The following CCSER1 variants were observed in gnomAD, a reference collection of about 807,000 sequenced individuals.
The protein encoded by CCSER1 is coiled-coil serine rich protein 1, also known as serine-rich coiled-coil domain-containing protein 1.
Under a neutral mutation model 82.0 loss-of-function variants are expected in CCSER1, and 41 were observed. That is an observed-to-expected ratio of 0.50 (90% confidence interval 0.39 to 0.65). CCSER1 has a LOEUF of 0.65. CCSER1 is among the 30% of genes least tolerant of loss of function. CCSER1 has a pLI of 0.00. For synonymous variants in CCSER1, 414 were observed against 383.9 expected (o/e 1.08, Z -0.92); for missense variants, 1,119 against 1,064.2 (o/e 1.05, Z -0.72).
intron 8 of CCSER1, among the ~76,000 whole-genome samples, chr4:90,913,160 A>T (rs1726702295): frequency 6.6e-6 from 1 of 152,256 alleles, no homozygotes; most frequent in Middle Eastern, 3.4e-3. Flanking sequence ...ACTCCTCGAG[A>T]AGAGCTACTC....
intron 5 of CCSER1, among the ~76,000 whole-genome samples, chr4:90,579,841 A>G (rs1781233143): frequency 6.7e-6 from 1 of 148,854 alleles, no homozygotes; most frequent in Non-Finnish European, 1.5e-5. Flanking sequence ...GAGACTGGAG[A>G]GTAATTTCAT....
At chr4:90,690,749 T>A (rs1179897603) in intron 6 of CCSER1, among the ~76,000 whole-genome samples, 1 of 152,068 alleles carries the variant, frequency 6.6e-6, no homozygotes, top group African/African-American at 2.4e-5. Flanking sequence ...ATTTTTTTTA[T>A]GTCTCTCTTT....
At chr4:90,605,842 A>T (rs1296585026) in intron 5 of CCSER1, among the ~76,000 whole-genome samples, 1 of 152,152 alleles carries the variant, frequency 6.6e-6, no homozygotes, top group African/African-American at 2.4e-5. Context: ...TTAAGACAAT[A>T]AAAATATTTG....
chr4:90,976,360 A>G (rs1735615826), intron 9 of CCSER1, among the ~76,000 whole-genome samples: 5 of 151,356 alleles, frequency 3.3e-5, no homozygotes, highest in Admixed American at 3.3e-4. Context: ...AAATAAAATA[A>G]GATTTCTTTT....
At chr4:90,727,073 G>T in intron 7 of CCSER1, 1 of 345,266 alleles carries the variant, frequency 2.9e-6, no homozygotes, top group South Asian at 2.4e-5. Flanking sequence ...GAGTTTCTAG[G>T]ATGCTTGGTT....
At chr4:91,383,403 A>G (rs1751064360) in intron 10 of CCSER1, among the ~76,000 whole-genome samples, 1 of 152,090 alleles carries the variant, frequency 6.6e-6, no homozygotes, top group Non-Finnish European at 1.5e-5. Context: ...AATTAAAACA[A>G]TATGATAACA....
intron 5 of CCSER1, among the ~76,000 whole-genome samples, chr4:90,589,302 A>T (rs1782412085): frequency 6.6e-6 from 1 of 152,086 alleles, no homozygotes; most frequent in Non-Finnish European, 1.5e-5. Flanking sequence ...CATTGCTGTC[A>T]TCAGAAGGTG....
chr4:90,944,298 G>T (rs1158364463), intron 9 of CCSER1, among the ~76,000 whole-genome samples: 1 of 151,640 alleles, frequency 6.6e-6, no homozygotes, highest in African/African-American at 2.4e-5. Context: ...ATTTATTGTT[G>T]GTTATTAATG....
intron 7 of CCSER1, among the ~76,000 whole-genome samples, chr4:90,746,857 G>C (rs1241763434): frequency 2.0e-5 from 3 of 152,204 alleles, no homozygotes; most frequent in Non-Finnish European, 4.4e-5. Flanking sequence ...GCTTAGAATA[G>C]TTAAGTATCC....
intron 9 of CCSER1, among the ~76,000 whole-genome samples, chr4:90,954,539 A>G (rs1004858875): frequency 6.6e-6 from 1 of 152,122 alleles, no homozygotes; most frequent in African/African-American, 2.4e-5. Context: ...TAGCTGATAA[A>G]ATAGATGAAT....
chr4:91,329,659 T>C (rs1287183327), intron 10 of CCSER1, among the ~76,000 whole-genome samples: 1 of 152,206 alleles, frequency 6.6e-6, no homozygotes, highest in Non-Finnish European at 1.5e-5. Flanking sequence ...TGTCTTCACA[T>C]GGCAGTGTCT....
chr4:91,412,132 G>A (rs1753088760), intron 10 of CCSER1, among the ~76,000 whole-genome samples: 1 of 152,198 alleles, frequency 6.6e-6, no homozygotes, highest in Non-Finnish European at 1.5e-5. Context: ...ATTGTTTTGA[G>A]AGGGCAGACC....
intron 7 of CCSER1, chr4:90,781,062 A>T (rs532533855): frequency 5.7e-6 from 1 of 174,450 alleles, no homozygotes; most frequent in Admixed American, 6.5e-5. Flanking sequence ...GGGAGGCGCC[A>T]CATAATTTTA....
At chr4:90,142,203 C>G (rs1724920016) in intron 1 of CCSER1, among the ~76,000 whole-genome samples, 1 of 152,174 alleles carries the variant, frequency 6.6e-6, no homozygotes, top group Admixed American at 6.5e-5. Context: ...AGATCTTCTA[C>G]TTTGTTAAGG....
intron 10 of CCSER1, among the ~76,000 whole-genome samples, chr4:91,267,002 T>C (rs957946767): frequency 6.6e-6 from 1 of 152,218 alleles, no homozygotes; most frequent in African/African-American, 2.4e-5. Flanking sequence ...TCAAATATAG[T>C]TGAGATTTAA....
intron 6 of CCSER1, among the ~76,000 whole-genome samples, chr4:90,636,266 C>T (rs761336389): frequency 6.6e-6 from 1 of 151,532 alleles, no homozygotes; most frequent in Admixed American, 6.6e-5. Context: ...ATCTGAATAG[C>T]CTAACTTGTA....
At chr4:91,042,276 G>T (rs960346985) in intron 9 of CCSER1, among the ~76,000 whole-genome samples, 1 of 152,096 alleles carries the variant, frequency 6.6e-6, no homozygotes, top group Non-Finnish European at 1.5e-5. Flanking sequence ...TGCATCCAGC[G>T]TTCATTCGCC....
At chr4:91,560,889 T>C (rs1252089495) in intron 10 of CCSER1, among the ~76,000 whole-genome samples, 2 of 151,240 alleles carry the variant, frequency 1.3e-5, no homozygotes, top group Non-Finnish European at 3.0e-5. Flanking sequence ...TCAAGAGTGT[T>C]CTATCCAGTA....
At chr4:90,469,989 C>CA (rs1416183680) in intron 5 of CCSER1, among the ~76,000 whole-genome samples, 1 of 152,146 alleles carries the variant, frequency 6.6e-6, no homozygotes, top group Non-Finnish European at 1.5e-5. Flanking sequence ...AGTTAACACT[C>CA]AAAAAGTTTC....
Sources: allele counts gnomAD v4.1 joint callset (sites outside exome capture counted in the v4.1 genomes callset), GRCh38; gene constraint gnomAD v4.1.1; transcripts MANE v1.5; gene names NCBI Gene and HGNC (gene_info 2026-07-23, HGNC 2026-07-21).